The following POU6F2 variants were observed in gnomAD, a reference collection of about 807,000 sequenced individuals.
POU6F2 encodes POU class 6 homeobox 2, also known as POU domain, class 6, transcription factor 2.
A neutral mutation model predicts 71.3 loss-of-function variants in POU6F2; 31 were observed. The ratio of observed to expected loss-of-function variants is 0.43; its 90% CI spans 0.33 to 0.59. POU6F2 has a LOEUF of 0.59. Among genes scored for constraint, POU6F2 ranks in the 20% least tolerant of loss-of-function variants. The pLI is 0.04. For synonymous variants in POU6F2, 347 were observed against 355.7 expected (o/e 0.98, Z 0.27); for missense variants, 783 against 856.8 (o/e 0.91, Z 1.07).
intron 1 of POU6F2, among the ~76,000 whole-genome samples, chr7:39,058,596 T>C (rs1291326612): frequency 1.3e-5 from 2 of 152,224 alleles, no homozygotes; most frequent in African/African-American, 4.8e-5. Context: ...CTCTTAATGG[T>C]TATTTTCACT....
intron 2 of POU6F2, among the ~76,000 whole-genome samples, chr7:39,151,835 G>A (rs1474571125): frequency 2.6e-5 from 4 of 152,188 alleles, no homozygotes; most frequent in Non-Finnish European, 5.9e-5. Context: ...CAAGACTCCA[G>A]CAGAGGACTG....
At chr7:39,042,454 G>A (rs1017329524) in intron 1 of POU6F2, among the ~76,000 whole-genome samples, 1 of 151,974 alleles carries the variant, frequency 6.6e-6, no homozygotes, top group Non-Finnish European at 1.5e-5. Context: ...AGTGATCATG[G>A]AAGGATGTGC....
chr7:39,122,479 C>A (rs1413234225), intron 2 of POU6F2, among the ~76,000 whole-genome samples: 1 of 152,172 alleles, frequency 6.6e-6, no homozygotes, highest in Non-Finnish European at 1.5e-5. Context: ...AGCACACAGC[C>A]TTATGCAGAA....
At chr7:39,235,269 G>A (rs1367367296) in intron 4 of POU6F2, among the ~76,000 whole-genome samples, 1 of 152,162 alleles carries the variant, frequency 6.6e-6, no homozygotes, top group African/African-American at 2.4e-5. Flanking sequence ...AGGCAACAAA[G>A]GCAGCATAAT....
intron 1 of POU6F2, among the ~76,000 whole-genome samples, chr7:39,075,313 G>A (rs921798882): frequency 2.0e-5 from 3 of 152,144 alleles, no homozygotes; most frequent in Admixed American, 6.5e-5. Flanking sequence ...TGGCATGGTG[G>A]GTTGGAGTTC....
chr7:39,068,490 C>CATATATATATATATAT (rs3057275), intron 1 of POU6F2, among the ~76,000 whole-genome samples: 74 of 146,714 alleles, frequency 5.0e-4, no homozygotes, highest in Middle Eastern at 3.6e-3. Context: ...CTAGTACATG[C>CATATATATATATATAT]ATATATATAT....
intron 4 of POU6F2, among the ~76,000 whole-genome samples, chr7:39,288,763 G>A (rs1415295826): frequency 2.0e-5 from 3 of 151,990 alleles, no homozygotes; most frequent in Non-Finnish European, 4.4e-5. Context: ...CATAGAAGAC[G>A]CTCAGTCAAT....
intron 4 of POU6F2, among the ~76,000 whole-genome samples, chr7:39,289,270 G>T (rs1784704448): frequency 6.6e-6 from 1 of 152,170 alleles, no homozygotes; most frequent in Non-Finnish European, 1.5e-5. Context: ...CTGGAAACTA[G>T]ACAGCAAGAC....
At chr7:39,450,772 C>T (rs1407490004) in intron 7 of POU6F2, among the ~76,000 whole-genome samples, 1 of 152,144 alleles carries the variant, frequency 6.6e-6, no homozygotes, top group Non-Finnish European at 1.5e-5. Flanking sequence ...GCTGGCTGAA[C>T]CTATAAAATC....
chr7:39,260,284 ACACT>A (rs1381324687), intron 4 of POU6F2, among the ~76,000 whole-genome samples: 4 of 147,306 alleles, frequency 2.7e-5, no homozygotes, highest in Admixed American at 6.8e-5. Context: ...TACACCACAC[ACACT>A]CTCCATACCA....
At chr7:39,119,109 T>G (rs1391565493) in intron 2 of POU6F2, among the ~76,000 whole-genome samples, 1 of 152,102 alleles carries the variant, frequency 6.6e-6, no homozygotes, top group Non-Finnish European at 1.5e-5. Flanking sequence ...CTGAGAGCCA[T>G]ACAATGAGAC....
At chr7:39,391,849 G>T (rs1427625097) in intron 5 of POU6F2, among the ~76,000 whole-genome samples, 5 of 149,464 alleles carry the variant, frequency 3.3e-5, no homozygotes, top group African/African-American at 1.0e-4. Context: ...ATCTATTATA[G>T]ATTTAAAGTT....
chr7:39,207,376 A>G lies in POU6F2; in HGVS notation c.370-16A>G. The G allele has an allele frequency of 6.2e-7, 1 of 1,612,004 alleles. No homozygotes were observed. Among genetic ancestry groups the G allele is most frequent in the Non-Finnish European group, 8.5e-7 (1 of 1,178,434 alleles). On this transcript the variant is annotated splice_polypyrimidine_tract_variant and intron_variant, in intron 3 of 9. Transcript: ENST00000518318. ...TTCCACAGGAAAGTGAGCTAGCTGT[A>G]TCTGTTTCCTTGCAGCCACTTCTGA...
intron 2 of POU6F2, among the ~76,000 whole-genome samples, chr7:39,086,785 C>T (rs2128721095): frequency 6.6e-6 from 1 of 152,272 alleles, no homozygotes; most frequent in Admixed American, 6.5e-5. Context: ...TGTAAGCCAA[C>T]TCATGCAACT....
intron 2 of POU6F2, among the ~76,000 whole-genome samples, chr7:39,098,888 AT>A: frequency 6.6e-6 from 1 of 152,234 alleles, no homozygotes; most frequent in East Asian, 1.9e-4. Context: ...TGGGCAGCAG[AT>A]ACCATAAAAC....
At chr7:39,046,936 A>C (rs763646103) in intron 1 of POU6F2, among the ~76,000 whole-genome samples, 1 of 151,958 alleles carries the variant, frequency 6.6e-6, no homozygotes, top group Non-Finnish European at 1.5e-5. Flanking sequence ...CACTTGTCCC[A>C]GCACCATTTG....
At chr7:39,289,899 G>A (rs1784719094) in intron 4 of POU6F2, among the ~76,000 whole-genome samples, 2 of 152,164 alleles carry the variant, frequency 1.3e-5, no homozygotes, top group South Asian at 4.2e-4. Context: ...TGTCAGTAGT[G>A]TGAGCAGTGT....
chr7:38,978,221 C>T lies in POU6F2; in HGVS notation c.105+163C>T, dbSNP rs375740327. 3.5e-4 allele frequency among the ~76,000 whole-genome samples: 53 copies of T among 152,290 alleles called. 1 individual carries two copies. In the South Asian group the frequency reaches 1.0e-2, roughly 29 times the overall value. On this transcript the variant is annotated intron_variant, in intron 1 of 9. Coordinates refer to ENST00000518318, the MANE Select transcript of POU6F2 (RefSeq NM_001370959.1). ...GGCAAAAGGCACCCATTAAATCTGA[C>T]CAGGGAAACCTCAGCTTAAAACTTC... is the stretch of plus-strand genomic sequence containing the variant.
At chr7:39,341,911 G>A (rs938290603) in intron 5 of POU6F2, among the ~76,000 whole-genome samples, 6 of 152,180 alleles carry the variant, frequency 3.9e-5, no homozygotes, top group Non-Finnish European at 7.4e-5. Context: ...GGGAATTTCC[G>A]AAAGTTCTCC....
Sources: gnomAD v4.1 joint callset for allele counts (sites outside exome capture counted in the v4.1 genomes callset) on GRCh38, gnomAD v4.1.1 for gene constraint, MANE v1.5 for transcripts, NCBI Gene and HGNC (gene_info 2026-07-23, HGNC 2026-07-21) for gene names.